VPS37A: variants seen among roughly 807,000 people sequenced by gnomAD.
VPS37A encodes VPS37A subunit of ESCRT-I.
VPS37A carries 30 observed loss-of-function variants against 49.8 expected under a neutral mutation model. The observed-to-expected ratio is 0.60, with a 90% confidence interval of 0.45 to 0.82. The LOEUF (loss-of-function observed/expected upper bound fraction) is 0.82, where lower values mean the gene tolerates loss of function less well. VPS37A is among the 40% of genes least tolerant of loss of function. VPS37A has a pLI of 0.00. For missense variants in VPS37A, 593 were observed against 464.4 expected, an observed-to-expected ratio of 1.28 and a Z score of -2.55; for synonymous variants, 195 against 160.6, an observed-to-expected ratio of 1.21 and a Z score of -1.62.
downstream of VPS37A, among the ~76,000 whole-genome samples, chr8:17,306,269 T>G (rs1817450563): frequency 6.6e-6 from 1 of 152,118 alleles, no homozygotes; most frequent in African/African-American, 2.4e-5. Context: ...TAAAAGTACA[T>G]TAGAACTTTT....
the VPS37A span, among the ~76,000 whole-genome samples, chr8:17,307,699 T>C: frequency 1.3e-5 from 2 of 152,206 alleles, no homozygotes; most frequent in African/African-American, 4.8e-5. Context: ...TGGAATATTA[T>C]GCAGCCATAA....
chr8:17,331,455 C>T, the VPS37A span, among the ~76,000 whole-genome samples: 2 of 152,186 alleles, frequency 1.3e-5, 1 homozygote, highest in Non-Finnish European at 2.9e-5. Flanking sequence ...TTCAGGGACT[C>T]CTGCTGAGCT....
At chr8:17,327,505 T>A in the VPS37A span, among the ~76,000 whole-genome samples, 2 of 152,124 alleles carry the variant, frequency 1.3e-5, no homozygotes, top group Non-Finnish European at 2.9e-5. Flanking sequence ...GGTCTCAAAC[T>A]CCTGTGGCTC....
the VPS37A span, among the ~76,000 whole-genome samples, chr8:17,326,671 G>C: frequency 6.6e-6 from 1 of 152,230 alleles, no homozygotes; most frequent in South Asian, 2.1e-4. Context: ...GCCATGCTGT[G>C]AACAGCCAAC....
At chr8:17,328,032 A>G in the VPS37A span, among the ~76,000 whole-genome samples, 16 of 152,230 alleles carry the variant, frequency 1.1e-4, no homozygotes. Context: ...ACATTGATGA[A>G]TAAGTGGTCA....
At chr8:17,270,396 G>A (rs1376254976) in intron 4 of VPS37A, among the ~76,000 whole-genome samples, 1 of 152,116 alleles carries the variant, frequency 6.6e-6, no homozygotes, top group African/African-American at 2.4e-5. Flanking sequence ...GTTAATGTTG[G>A]CTTAATGGTT....
the VPS37A span, among the ~76,000 whole-genome samples, chr8:17,318,891 C>T: frequency 6.6e-6 from 1 of 152,164 alleles, no homozygotes; most frequent in Non-Finnish European, 1.5e-5. Context: ...CTCTTCCAGG[C>T]ACCCAGCCCT....
chr8:17,284,116 T>C (rs1218265109), intron 9 of VPS37A, among the ~76,000 whole-genome samples: 2 of 152,178 alleles, frequency 1.3e-5, no homozygotes, highest in African/African-American at 4.8e-5. Flanking sequence ...CACTCAATGG[T>C]GGGATTATGC....
downstream of VPS37A, among the ~76,000 whole-genome samples, chr8:17,304,024 A>G (rs1817294371): frequency 6.6e-6 from 1 of 151,788 alleles, no homozygotes; most frequent in Non-Finnish European, 1.5e-5. Flanking sequence ...TTTTTGCTCC[A>G]ACCTTAACAC....
intron 1 of VPS37A, among the ~76,000 whole-genome samples, chr8:17,256,290 ATTTT>A (rs529736602): frequency 3.3e-4 from 20 of 60,388 alleles, no homozygotes; most frequent in African/African-American, 1.3e-3. Context: ...GGGTAAAATG[ATTTT>A]TTTTTTTTTT....
rs917225189 is a variant in VPS37A at position 17,257,739 on chromosome 8, T to A, written c.126-8168T>A. The stretch of plus-strand genomic sequence containing the variant: ...ATTTGCTTTGGGTAGTATTGTCATT[T>A]TAATAGTATTTATTCCTCCAGCCAC... On this transcript the variant is annotated intron_variant, in intron 1 of 11. Transcript: ENST00000324849. Among the ~76,000 whole-genome samples the A allele has an allele frequency of 2.4e-4, 37 of 152,246 alleles. 1 individual carries two copies. Among genetic ancestry groups the A allele is most frequent in the Admixed American group, 2.0e-3 (30 of 15,288 alleles).
chr8:17,273,641 C>T (rs865921976), intron 4 of VPS37A, among the ~76,000 whole-genome samples: 1 of 152,330 alleles, frequency 6.6e-6, no homozygotes, highest in Middle Eastern at 3.4e-3. Flanking sequence ...GCTAGGATTA[C>T]AGGCGTGTAT....
chr8:17,248,261 CT>C (rs77478205), intron 1 of VPS37A: 33,960 of 376,046 alleles, frequency 0.09, 470 homozygotes, highest in South Asian at 0.11. Context: ...TCCCTAACCC[CT>C]TTTTTTTTTT....
At chr8:17,264,613 C>T (rs1177671137) in intron 1 of VPS37A, among the ~76,000 whole-genome samples, 6 of 152,118 alleles carry the variant, frequency 3.9e-5, no homozygotes, top group Admixed American at 6.6e-5. Flanking sequence ...TTTACATATC[C>T]TAGAGTCTGG....
chr8:17,269,261 C>T (rs1813761051), intron 4 of VPS37A, among the ~76,000 whole-genome samples: 2 of 152,204 alleles, frequency 1.3e-5, no homozygotes, highest in East Asian at 1.9e-4. Context: ...TTCCTTTCTC[C>T]TCACTGTCTC....
At chr8:17,325,588 G>T in the VPS37A span, among the ~76,000 whole-genome samples, 27 of 152,260 alleles carry the variant, frequency 1.8e-4, no homozygotes, top group Non-Finnish European at 3.1e-4. Context: ...CTGAGCTGAC[G>T]CGGGGCCTGC....
chr8:17,328,939 T>C, the VPS37A span, among the ~76,000 whole-genome samples: 9 of 152,158 alleles, frequency 5.9e-5, no homozygotes, highest in African/African-American at 1.9e-4. Context: ...ATCATCTCTA[T>C]AGAGGACCTA....
In VPS37A at chr8:17,246,974, C is replaced by T. The variant is rs370749559; in HGVS notation, c.-271C>T. ...TGGTGGAGCGCTGGGCGGCCAGGCTCCCTGGCTGGCCGGTTTGGGCGTCTG... is the reference window on the plus strand; with the variant it reads ...TGGTGGAGCGCTGGGCGGCCAGGCTTCCTGGCTGGCCGGTTTGGGCGTCTG... On this transcript the variant is annotated 5_prime_UTR_variant, in exon 1 of 12. Coordinates refer to ENST00000324849, the MANE Select transcript of VPS37A (RefSeq NM_152415.3). The T allele has an allele frequency of 1.3e-3, 607 of 476,404 alleles. 6 individuals carry two copies. In the East Asian group the frequency reaches 0.023, roughly 18 times the overall value. The allele number at this position is 476,404 out of a possible 1,614,324, so 29.5% of individuals were successfully genotyped here.
the VPS37A span, among the ~76,000 whole-genome samples, chr8:17,309,772 C>G: frequency 6.6e-6 from 1 of 152,166 alleles, no homozygotes; most frequent in Non-Finnish European, 1.5e-5. Flanking sequence ...ATGTGTGATG[C>G]TGCCTCTCAG....
Sources: gnomAD v4.1 joint callset for allele counts (sites outside exome capture counted in the v4.1 genomes callset) on GRCh38, gnomAD v4.1.1 for gene constraint, MANE v1.5 for transcripts, NCBI Gene and HGNC (gene_info 2026-07-23, HGNC 2026-07-21) for gene names.